The following ACRBP variants were observed in gnomAD, a reference collection of about 807,000 sequenced individuals.
ACRBP encodes acrosin binding protein.
Under a neutral mutation model 69.0 loss-of-function variants are expected in ACRBP, and 52 were observed. That is an observed-to-expected ratio of 0.75 (90% CI 0.60 to 0.95). The LOEUF is 0.95. Ranked by LOEUF, ACRBP falls within the 40% of genes least tolerant of loss-of-function variation. The probability of loss-of-function intolerance (pLI) is 0.00; values close to 1 mark genes in which losing one functional copy is unlikely to be tolerated. For synonymous variants in ACRBP, 267 were observed against 258.9 expected (o/e 1.03, Z -0.30); for missense variants, 604 against 673.0 (o/e 0.90, Z 1.13).
At chr12:6,638,874 A>G in intron 9 of ACRBP, 80 bp downstream of exon 9, 1 of 1,594,584 alleles carries the variant, frequency 6.3e-7, no homozygotes, top group South Asian at 1.1e-5. Flanking sequence ...CTGCTCGCAG[A>G]GGGGGCCTCA....
In ACRBP at chr12:6,646,778, CT is replaced by C; in HGVS notation, c.262+15del. ...CACTCTGGGTGCCTCGGTTTCCCCCCTAGTCTGGCCCTCACCATCGGGCACT... is the reference window on the plus strand; with the variant it reads ...CACTCTGGGTGCCTCGGTTTCCCCCCAGTCTGGCCCTCACCATCGGGCACT... On this transcript the variant is annotated intron_variant, in intron 2 of 9. Transcript: ENST00000229243. The C allele has an allele frequency of 4.3e-6, 7 of 1,613,266 alleles. No individual in the cohort carries two copies. The highest frequency in any genetic ancestry group is 2.2e-5 in the East Asian group (1 of 44,870).
rs957975604 is a variant in ACRBP at position 6,644,576 on chromosome 12, G to C, written c.505C>G (p.Pro169Ala). The change falls in exon 5 of 10, where the codon CCT (proline) becomes GCT (alanine). Residue 169 changes from proline to alanine, a missense_variant. By Grantham distance (27) the Pro-to-Ala change is conservative. This residue lies in a region of ACRBP where 532 missense variants were observed against 562.9 expected (regional missense o/e 0.95). Coordinates refer to ENST00000229243, the MANE Select transcript of ACRBP (RefSeq NM_032489.3). Reference sequence around the variant, plus strand: ...TCCACGTTGTTGCTGAGCCTCTCAGGCCAGGGCTGGAAGGTCTGGCGTTCT... The same window carrying C: ...TCCACGTTGTTGCTGAGCCTCTCAGCCCAGGGCTGGAAGGTCTGGCGTTCT... Reference protein sequence around the residue: ...VTERQTFQPWPERLSNNVEEL... With the variant: ...VTERQTFQPWAERLSNNVEEL... 1.3e-5 allele frequency: 21 copies of C among 1,613,630 alleles called. No homozygotes were observed. Among genetic ancestry groups the C allele is most frequent in the Non-Finnish European group, 1.8e-5 (21 of 1,179,834 alleles).
intron 2 of ACRBP, 50 bp downstream of exon 2, chr12:6,646,744 T>C: frequency 1.9e-6 from 3 of 1,606,118 alleles, no homozygotes; most frequent in Non-Finnish European, 2.6e-6. Context: ...GCCCTGAGGT[T>C]TGGGTGAACA....
rs1949093378 is a variant in ACRBP at position 6,646,823 on chromosome 12, T to C, written c.233A>G (p.Gln78Arg). ...CRNPTLVQLDQYENHGLVPDG... is the reference protein window; with the variant it reads ...CRNPTLVQLDRYENHGLVPDG... ...GGGCACTAAGCCGTGGTTTTCATATTGGTCCAGCTGGACGAGTGTGGGATT... is the reference window on the plus strand; with the variant it reads ...GGGCACTAAGCCGTGGTTTTCATATCGGTCCAGCTGGACGAGTGTGGGATT... The change falls in exon 2 of 10, where the codon CAA (glutamine) becomes CGA (arginine). Residue 78 changes from glutamine to arginine, a missense_variant. Gln to Arg is a conservative substitution (Grantham distance 43). This residue lies in a region of ACRBP where 532 missense variants were observed against 562.9 expected (regional missense o/e 0.95). Transcript: ENST00000229243. 2 of 1,614,120 alleles carry C rather than the reference T, an allele frequency of 1.2e-6. No homozygotes were observed. Among genetic ancestry groups the C allele is most frequent in the East Asian group, 4.5e-5 (2 of 44,882 alleles).
At chr12:6,643,469 A>C (rs1002854948) in intron 6 of ACRBP, 70 bp downstream of exon 6, 4 of 1,574,084 alleles carry the variant, frequency 2.5e-6, no homozygotes, top group Admixed American at 1.7e-5. Context: ...CCACTCCCAT[A>C]GCCTAGCACA....
rs768800434 is a variant in ACRBP at position 6,643,500 on chromosome 12, C to T, written c.1077+39G>A. The T allele has an allele frequency of 6.8e-6, 11 of 1,610,170 alleles. No individual in the cohort carries two copies. The South Asian group carries it at 9.9e-5, about 15-fold the overall frequency. On this transcript the variant is annotated intron_variant, in intron 6 of 9. Transcript: ENST00000229243. ...GCACAGTGCCTGGCCAAGAGGATGC[C>T]CAGTGGCATGTATCCATTAGACAGT...
At chr12:6,639,227 G>A (rs1308793709) in intron 8 of ACRBP, among the ~76,000 whole-genome samples, 190 bp from the exon 9 acceptor site, 5 of 152,238 alleles carry the variant, frequency 3.3e-5, no homozygotes, top group African/African-American at 9.6e-5. Flanking sequence ...AGGTTGCTGG[G>A]AAGAAGCCAG....
At chr12:6,638,623 G>C in intron 9 of ACRBP, 1 of 1,281,750 alleles carries the variant, frequency 7.8e-7, no homozygotes, top group Admixed American at 2.9e-5. Flanking sequence ...GAGGCTCAGA[G>C]GGGGAAGTGC....
chr12:6,638,473 G>A (rs900787584), intron 9 of ACRBP, 69 bp from the exon 10 acceptor site: 14 of 1,602,752 alleles, frequency 8.7e-6, no homozygotes, highest in East Asian at 4.5e-5. Context: ...AGGAGGGGAG[G>A]TGTCAGAAGC....
intron 3 of ACRBP, among the ~76,000 whole-genome samples, chr12:6,645,978 G>T (rs1321414197): frequency 1.4e-5 from 2 of 146,978 alleles, no homozygotes; most frequent in Non-Finnish European, 3.0e-5. Context: ...GTTTTTTTTT[G>T]AGACACAGTC....
rs754237042 is a variant in ACRBP, at chr12:6,644,310, G to C, written c.771C>G (p.His257Gln). Reference protein sequence around the residue: ...QLQTDSEPKFHSESLSSNPSS... With the variant: ...QLQTDSEPKFQSESLSSNPSS... ...AAGGGTTAGAAGATAGAGATTCAGA[G>C]TGAAACTTGGGCTCTGAGTCTGTCT... is the stretch of plus-strand genomic sequence containing the variant. Residue 257 changes from histidine (H) to glutamine (Q), a missense_variant, in exon 5 of 10, where the codon CAC (histidine) becomes CAG (glutamine). Around this residue, in one of 3 missense-constraint regions of ACRBP, gnomAD observed 532 missense variants for 562.9 expected, o/e 0.95. Transcript: ENST00000229243. The C allele has an allele frequency of 1.1e-5, 17 of 1,614,158 alleles. No individual in the cohort carries two copies. The highest frequency in any genetic ancestry group is 1.4e-5 in the Non-Finnish European group (16 of 1,180,016).
At chr12:6,642,935 T>C (rs1018388186) in intron 6 of ACRBP, among the ~76,000 whole-genome samples, 1 of 151,920 alleles carries the variant, frequency 6.6e-6, no homozygotes, top group Admixed American at 6.6e-5. Flanking sequence ...GCTAGGAAGA[T>C]GGTGAGGTGG....
At chr12:6,643,804 G>A (rs1407720052) in intron 5 of ACRBP, 133 bp from the exon 6 acceptor site, 1 of 1,295,464 alleles carries the variant, frequency 7.7e-7, no homozygotes, top group East Asian at 2.4e-5. Flanking sequence ...GGGCCTTAGA[G>A]GCCTCTGGAC....
At chr12:6,645,124 C>A in intron 4 of ACRBP, 96 bp downstream of exon 4, 2 of 989,490 alleles carry the variant, frequency 2.0e-6, no homozygotes, top group Non-Finnish European at 3.1e-6. Context: ...TCCCGCCCAA[C>A]ATGCTTCCCA....
Position 6,638,239 on chromosome 12 carries a change from C to T in ACRBP, c.*43G>A, listed in dbSNP as rs1340580811. ...AATGGGGTCTCAAAACAATAGAGAA[C>T]GTGGGCAGGTTGGGCTGGGGTGTGG... On this transcript the variant is annotated 3_prime_UTR_variant, in exon 10 of 10. Transcript: ENST00000229243. 8.1e-6 allele frequency: 13 copies of T among 1,606,688 alleles called. No homozygotes were observed. Among genetic ancestry groups the T allele is most frequent in the African/African-American group, 2.7e-5 (2 of 74,720 alleles).
At chr12:6,643,467 A>C in intron 6 of ACRBP, 72 bp downstream of exon 6, 1 of 1,574,494 alleles carries the variant, frequency 6.4e-7, no homozygotes, top group South Asian at 1.2e-5. Context: ...CTCCACTCCC[A>C]TAGCCTAGCA....
chr12:6,646,651 G>A (rs1029046009), intron 2 of ACRBP, 74 bp from the exon 3 acceptor site: 6 of 1,501,524 alleles, frequency 4.0e-6, no homozygotes, highest in Non-Finnish European at 5.6e-6. Flanking sequence ...TGGACTCCAC[G>A]CCATGGGGAG....
intron 8 of ACRBP, among the ~76,000 whole-genome samples, chr12:6,639,329 GAA>G (rs1949034708): frequency 6.6e-6 from 1 of 152,244 alleles, no homozygotes; most frequent in East Asian, 1.9e-4. Context: ...TAAGGGTCCA[GAA>G]CATGGGACAG....
At chr12:6,638,504 C>T in intron 9 of ACRBP, 100 bp from the exon 10 acceptor site, 1 of 1,513,742 alleles carries the variant, frequency 6.6e-7, no homozygotes, top group Non-Finnish European at 9.1e-7. Flanking sequence ...GAGAGGTGGG[C>T]AGGCATGGGC....
Sources: allele counts gnomAD v4.1 joint callset (sites outside exome capture counted in the v4.1 genomes callset), GRCh38; gene constraint gnomAD v4.1.1; regional missense constraint gnomAD v4.1.1; transcripts MANE v1.5; gene names NCBI Gene and HGNC (gene_info 2026-07-23, HGNC 2026-07-21).